Variants in KCNQ3 observed in about 807,000 individuals in gnomAD.
KCNQ3 encodes potassium voltage-gated channel subfamily Q member 3.
In KCNQ3, 30 loss-of-function variants were observed where a neutral mutation model predicts 92.5. The ratio of observed to expected loss-of-function variants is 0.32; its 90% CI spans 0.24 to 0.44. The LOEUF (loss-of-function observed/expected upper bound fraction) is 0.44. Among genes scored for constraint, KCNQ3 ranks in the 20% least tolerant of loss-of-function variants. KCNQ3 has a pLI of 1.00. For missense variants in KCNQ3, 913 were observed against 1,140.3 expected (o/e 0.80, Z 2.87); for synonymous variants, 450 against 468.8 (o/e 0.96, Z 0.52).
At chr8:132,403,180 C>T (rs982648402) in intron 1 of KCNQ3, among the ~76,000 whole-genome samples, 5 of 152,076 alleles carry the variant, frequency 3.3e-5, no homozygotes, top group African/African-American at 1.2e-4. Context: ...CCTAAAGATG[C>T]ACCAAAAAAA....
At chr8:132,439,559 C>G (rs1036465211) in intron 1 of KCNQ3, among the ~76,000 whole-genome samples, 1 of 152,110 alleles carries the variant, frequency 6.6e-6, no homozygotes, top group Non-Finnish European at 1.5e-5. Context: ...AATCAGCTGA[C>G]CCTAAAGAGA....
chr8:132,144,709 TTTC>T (rs1369412780), intron 9 of KCNQ3, among the ~76,000 whole-genome samples: 1 of 152,192 alleles, frequency 6.6e-6, no homozygotes, highest in Non-Finnish European at 1.5e-5. Context: ...CTCCGTGTAG[TTTC>T]TTCACATTCA....
In KCNQ3 at chr8:132,374,519, G is replaced by A. The variant is rs142154401; in HGVS notation, c.386+105628C>T. ...CACACACCCCTCCCGGAAAGCTAAC[G>A]TTTTCAAAAAACTTTTATTTCAGGT... On this transcript the variant is annotated intron_variant, in intron 1 of 14. Coordinates refer to ENST00000388996, the MANE Select transcript of KCNQ3 (RefSeq NM_004519.4). 1.4e-4 allele frequency among the ~76,000 whole-genome samples: 21 copies of A among 152,226 alleles called. No individual in the cohort carries two copies. The East Asian group carries it at 3.3e-3, about 24-fold the overall frequency.
At chr8:132,211,067 T>C (rs777786815) in intron 1 of KCNQ3, among the ~76,000 whole-genome samples, 2 of 152,216 alleles carry the variant, frequency 1.3e-5, no homozygotes, top group Non-Finnish European at 2.9e-5. Context: ...TCTATCACAG[T>C]GTGTCTTCCA....
At position 132,327,368 on chromosome 8, in the gene KCNQ3, C is replaced by T. The variant is rs76998593; in HGVS notation, c.387-141187G>A. 3.1e-3 allele frequency among the ~76,000 whole-genome samples: 475 copies of T among 152,274 alleles called. 3 individuals carry two copies. The highest frequency in any genetic ancestry group is 0.011 in the African/African-American group (454 of 41,554). ...CTATGAAGTTAGGTGCTATCATTAT[C>T]CCTACTGTACAGATGAAGAAACCGA... On this transcript the variant is annotated intron_variant, in intron 1 of 14. Coordinates refer to ENST00000388996, the MANE Select transcript of KCNQ3 (RefSeq NM_004519.4).
chr8:132,381,133 A>C (rs889148280), intron 1 of KCNQ3, among the ~76,000 whole-genome samples: 2 of 152,214 alleles, frequency 1.3e-5, no homozygotes, highest in Non-Finnish European at 2.9e-5. Flanking sequence ...ATCCACCACA[A>C]GGTTGGTCCG....
intron 1 of KCNQ3, among the ~76,000 whole-genome samples, chr8:132,187,851 AGTGATGGTGGTGGTGGTG>A (rs879524030): frequency 0.35 from 31,929 of 91,020 alleles, 4,246 homozygotes; most frequent in African/African-American, 0.47. Flanking sequence ...TGGTGGTGGT[AGTGATGGTGGTGGTGGTG>A]GTGATAGTGA....
chr8:132,468,304 T>G (rs1476215969), intron 1 of KCNQ3, among the ~76,000 whole-genome samples: 3 of 152,170 alleles, frequency 2.0e-5, no homozygotes, highest in Non-Finnish European at 4.4e-5. Context: ...GATTTTCCAT[T>G]AGGACACATG....
intron 2 of KCNQ3, among the ~76,000 whole-genome samples, chr8:132,185,203 G>GCTGA (rs1826922871): frequency 6.6e-6 from 1 of 152,248 alleles, no homozygotes; most frequent in African/African-American, 2.4e-5. Context: ...AGAAGGAAGA[G>GCTGA]CTGACTCTGG....
rs1826412864 is a variant in KCNQ3, at chr8:132,172,601, A to G, written c.1137T>C (p.Ile379=). 1 of 1,613,754 alleles carries G rather than the reference A, an allele frequency of 6.2e-7. No individual in the cohort carries two copies. Among genetic ancestry groups the G allele is most frequent in the Non-Finnish European group, 8.5e-7 (1 of 1,179,832 alleles). ...EKRRKPAAEL[I]QAAWRYYATN... ...GTTCATTCCCAGGCAGACAGACCTG[A>G]ATGAGCTCAGCAGCTGGCTTCCTCC... Residue 379 remains isoleucine (I), a synonymous_variant, in exon 7 of 15, where the codon ATT becomes ATC. Coordinates refer to ENST00000388996, the MANE Select transcript of KCNQ3 (RefSeq NM_004519.4).
chr8:132,131,194 T>C lies in KCNQ3; in HGVS notation c.1884+986A>G, dbSNP rs77396062. On this transcript the variant is annotated intron_variant, in intron 14 of 14. Coordinates refer to ENST00000388996, the MANE Select transcript of KCNQ3 (RefSeq NM_004519.4). Reference sequence around the variant, plus strand: ...TTTAAAATGAAAACAAAATTCTTGATACAACAAAAAGGAATAATTCAGATT... The same window carrying C: ...TTTAAAATGAAAACAAAATTCTTGACACAACAAAAAGGAATAATTCAGATT... 5.7e-3 allele frequency among the ~76,000 whole-genome samples: 866 copies of C among 152,354 alleles called. 14 individuals carry two copies. Among genetic ancestry groups the C allele is most frequent in the Admixed American group, 0.041 (622 of 15,304 alleles).
intron 10 of KCNQ3, chr8:132,140,824 T>C (rs1825269650): frequency 2.4e-6 from 1 of 414,768 alleles, no homozygotes; most frequent in Admixed American, 3.9e-5. Flanking sequence ...TCCTTCAAGT[T>C]GACCTCCATA....
chr8:132,397,240 C>A (rs746048205), intron 1 of KCNQ3, among the ~76,000 whole-genome samples: 5 of 152,084 alleles, frequency 3.3e-5, no homozygotes, highest in Non-Finnish European at 5.9e-5. Context: ...AGGACTGCTG[C>A]CTGACATGAC....
At chr8:132,156,518 G>T (rs890303060) in intron 9 of KCNQ3, among the ~76,000 whole-genome samples, 2 of 152,114 alleles carry the variant, frequency 1.3e-5, no homozygotes, top group African/African-American at 2.4e-5. Flanking sequence ...GCAGACACAG[G>T]TTCAAATCTC....
At chr8:132,238,520 A>G (rs938975820) in intron 1 of KCNQ3, among the ~76,000 whole-genome samples, 3 of 152,064 alleles carry the variant, frequency 2.0e-5, no homozygotes, top group Non-Finnish European at 4.4e-5. Context: ...TTGACTGTAG[A>G]TCCGCTTTTT....
At chr8:132,467,618 G>A (rs1033022795) in intron 1 of KCNQ3, among the ~76,000 whole-genome samples, 3 of 152,112 alleles carry the variant, frequency 2.0e-5, no homozygotes, top group African/African-American at 4.8e-5. Context: ...CCCGACCTGC[G>A]TTTACTCCTC....
intron 1 of KCNQ3, among the ~76,000 whole-genome samples, chr8:132,366,416 T>C (rs10095671): frequency 0.12 from 17,651 of 152,156 alleles, 1,149 homozygotes; most frequent in East Asian, 0.24. Flanking sequence ...TCTTCTTTCC[T>C]AATCTTCTTG....
At chr8:132,212,100 G>T (rs931739253) in intron 1 of KCNQ3, among the ~76,000 whole-genome samples, 2 of 152,030 alleles carry the variant, frequency 1.3e-5, no homozygotes, top group South Asian at 4.2e-4. Flanking sequence ...TTTGCTACTT[G>T]CTGTAGTGCT....
intron 1 of KCNQ3, among the ~76,000 whole-genome samples, chr8:132,419,330 G>A (rs138053488): frequency 8.6e-4 from 131 of 152,224 alleles, no homozygotes; most frequent in African/African-American, 1.2e-3. Flanking sequence ...TGCAGGTCAC[G>A]GGCATCATTG....
Sources: gnomAD v4.1 joint callset for allele counts (sites outside exome capture counted in the v4.1 genomes callset) on GRCh38, gnomAD v4.1.1 for gene constraint, MANE v1.5 for transcripts, NCBI Gene and HGNC (gene_info 2026-07-23, HGNC 2026-07-21) for gene names.